SLC22A5: variants seen among roughly 807,000 people sequenced by gnomAD.
SLC22A5 encodes organic cation/carnitine transporter 2.
SLC22A5 carries 44 observed loss-of-function variants against 56.7 expected under a neutral mutation model. That is an observed-to-expected ratio of 0.78 (90% CI 0.61 to 1.00). The LOEUF is 1.00. Among genes scored for constraint, SLC22A5 ranks in the 50% least tolerant of loss-of-function variants. The pLI is 0.00. For missense variants in SLC22A5, 675 were observed against 723.0 expected (o/e 0.93, Z 0.76); for synonymous variants, 278 against 292.1 (o/e 0.95, Z 0.49).
At chr5:132,393,309 A>T (rs1364175471) in intron 8 of SLC22A5, among the ~76,000 whole-genome samples, 1 of 152,190 alleles carries the variant, frequency 6.6e-6, no homozygotes, top group African/African-American at 2.4e-5. Flanking sequence ...GCAGAGGTGG[A>T]AGAGTTATTT....
chr5:132,385,764 T>G (rs1013986091), intron 4 of SLC22A5, among the ~76,000 whole-genome samples: 1 of 152,184 alleles, frequency 6.6e-6, no homozygotes, highest in Admixed American at 6.5e-5. Context: ...GAAGATGGGG[T>G]CCAGCATGCC....
intron 4 of SLC22A5, 22 bp from the exon 5 acceptor site, chr5:132,387,003 A>G: frequency 1.5e-5 from 24 of 1,613,868 alleles, no homozygotes; most frequent in Non-Finnish European, 1.9e-5. Context: ...GGCCTCACTG[A>G]GATTGGACCT....
At chr5:132,375,317 T>C (rs1752100261) in intron 1 of SLC22A5, among the ~76,000 whole-genome samples, 1 of 152,128 alleles carries the variant, frequency 6.6e-6, no homozygotes, top group South Asian at 2.1e-4. Flanking sequence ...GGGGCAAGGA[T>C]TCATCATTGA....
At chr5:132,370,429 C>G in intron 1 of SLC22A5, 64 bp downstream of exon 1, 1 of 1,546,132 alleles carries the variant, frequency 6.5e-7, no homozygotes, top group Non-Finnish European at 8.8e-7. Flanking sequence ...GTCCTTGAAC[C>G]CGAGCTCCTC....
At position 132,392,369 on chromosome 5, in the gene SLC22A5, G is replaced by T; in HGVS notation, c.1268-64G>T. 6.9e-7 allele frequency: 1 copy of T among 1,439,484 alleles called. No homozygotes were observed. Among genetic ancestry groups the T allele is most frequent in the South Asian group, 1.1e-5 (1 of 87,612 alleles). The allele number at this position is 1,439,484 out of a possible 1,614,324, so 89.2% of individuals were successfully genotyped here. Reference sequence around the variant, plus strand: ...TTTGGGAAGAAAGTATGTTTGTTTTGCTCTCAATAGCTGCATGCCATGGGT... The same window carrying T: ...TTTGGGAAGAAAGTATGTTTGTTTTTCTCTCAATAGCTGCATGCCATGGGT... On this transcript the variant is annotated intron_variant, in intron 7 of 9. Coordinates refer to ENST00000245407, the MANE Select transcript of SLC22A5 (RefSeq NM_003060.4).
rs966970380 is a variant in SLC22A5 at position 132,369,846 on chromosome 5, T to C, written c.-127T>C. 4.0e-6 allele frequency: 5 copies of C among 1,260,392 alleles called. No individual in the cohort carries two copies. The highest frequency in any genetic ancestry group is 1.6e-5 in the African/African-American group (1 of 64,434). 78.1% of individuals were successfully genotyped at this position (1,260,392 alleles called of 1,614,324 possible). A position where few individuals can be genotyped will look rare whatever the true frequency, so the allele number is the denominator to read the frequency against. ...GCGGTGTCAGCTCGCGAGCCTACCCTCCGCGGACGGTCTTGGGTCGCCTGC... is the reference window on the plus strand; with the variant it reads ...GCGGTGTCAGCTCGCGAGCCTACCCCCCGCGGACGGTCTTGGGTCGCCTGC... On this transcript the variant is annotated 5_prime_UTR_variant, in exon 1 of 10. Transcript: ENST00000245407.
At chr5:132,374,424 C>A (rs1306499294) in intron 1 of SLC22A5, among the ~76,000 whole-genome samples, 1 of 152,052 alleles carries the variant, frequency 6.6e-6, no homozygotes, top group African/African-American at 2.4e-5. Context: ...ACTGTTATCC[C>A]CAAAGCTGCC....
In SLC22A5 at chr5:132,387,040, C is replaced by T. The variant is rs1282015269; in HGVS notation, c.840C>T (p.Ser280=). 1 of 1,614,138 alleles carries T rather than the reference C, an allele frequency of 6.2e-7. No homozygotes were observed. The highest frequency in any genetic ancestry group is 1.1e-5 in the South Asian group (1 of 91,080). Residue 280 remains serine, a synonymous_variant, in exon 5 of 10, where the codon TCC becomes TCT. Coordinates refer to ENST00000245407, the MANE Select transcript of SLC22A5 (RefSeq NM_003060.4). ...GTACTGCCAGGTTCATCCCTGAGTCCCCCCGATGGCTCATCTCTCAGGGAC... is the reference window on the plus strand; with the variant it reads ...GTACTGCCAGGTTCATCCCTGAGTCTCCCCGATGGCTCATCTCTCAGGGAC... ...CVALWWFIPE[S]PRWLISQGRF...
intron 2 of SLC22A5, chr5:132,378,694 G>A (rs1254330487): frequency 3.4e-6 from 2 of 580,640 alleles, no homozygotes. Context: ...AACCTGAGCT[G>A]TCTAAGCTGA....
Position 132,370,167 on chromosome 5 carries a change from C to T in SLC22A5, c.195C>T (p.His65=), listed in dbSNP as rs1751841574. The T allele has an allele frequency of 4.4e-6, 7 of 1,605,368 alleles. No individual in the cohort carries two copies. Among genetic ancestry groups the T allele is most frequent in the Non-Finnish European group, 6.0e-6 (7 of 1,176,286 alleles). The change falls in exon 1 of 10, where the codon CAC becomes CAT. Residue 65 remains histidine, a synonymous_variant. Coordinates refer to ENST00000245407, the MANE Select transcript of SLC22A5 (RefSeq NM_003060.4). ...AANLSSAWRN[H]TVPLRLRDGR... ...ACCTGAGCAGCGCCTGGCGCAACCA[C>T]ACTGTCCCACTGCGGCTGCGGGACG...
chr5:132,373,526 C>G (rs1302068483), intron 1 of SLC22A5, among the ~76,000 whole-genome samples: 2 of 151,970 alleles, frequency 1.3e-5, no homozygotes. Flanking sequence ...TTCCCAGCTA[C>G]TTGGGAGACT....
intron 5 of SLC22A5, 99 bp downstream of exon 5, chr5:132,387,250 C>T: frequency 6.2e-6 from 9 of 1,452,338 alleles, no homozygotes; most frequent in Non-Finnish European, 7.7e-6. Context: ...AGCAGCCCAG[C>T]CCTCTCTCCG....
chr5:132,392,679 T>C, intron 8 of SLC22A5, 64 bp downstream of exon 8: 1 of 1,422,518 alleles, frequency 7.0e-7, no homozygotes, highest in Non-Finnish European at 9.9e-7. Flanking sequence ...GGCTTGAATG[T>C]GAGCTGGAGG....
Position 132,370,312 on chromosome 5 carries a change from C to G in SLC22A5, c.340C>G (p.Leu114Val). The G allele has an allele frequency of 6.2e-7, 1 of 1,611,574 alleles. No individual in the cohort carries two copies. The highest frequency in any genetic ancestry group is 1.1e-5 in the South Asian group (1 of 90,716). ...DLGQLEQESC[L>V]DGWEFSQDVY... Reference sequence around the variant, plus strand: ...GGGGCAGCTGGAGCAGGAGAGCTGTCTGGATGGCTGGGAGTTCAGTCAGGA... The same window carrying G: ...GGGGCAGCTGGAGCAGGAGAGCTGTGTGGATGGCTGGGAGTTCAGTCAGGA... The change falls in exon 1 of 10, where the codon CTG (leucine) becomes GTG (valine). Residue 114 changes from leucine to valine, a missense_variant. By Grantham distance (32) the Leu-to-Val change is conservative. Coordinates refer to ENST00000245407, the MANE Select transcript of SLC22A5 (RefSeq NM_003060.4).
intron 7 of SLC22A5, among the ~76,000 whole-genome samples, chr5:132,392,136 G>A (rs904906406): frequency 1.3e-5 from 2 of 152,200 alleles, no homozygotes; most frequent in Non-Finnish European, 2.9e-5. Context: ...GTTAATCCCT[G>A]ACAGACATGT....
At chr5:132,390,571 T>G in intron 6 of SLC22A5, 119 bp from the exon 7 acceptor site, 2 of 789,990 alleles carry the variant, frequency 2.5e-6, no homozygotes, top group South Asian at 1.4e-5. Context: ...ACTGCTGCCT[T>G]ACTAGTCTCT....
rs1752496410 is a variant in SLC22A5 at position 132,385,481 on chromosome 5, T to C, written c.806T>C (p.Leu269Pro). The change falls in exon 4 of 10, where the codon CTA becomes CCA. Residue 269 changes from leucine to proline, a missense_variant. Coordinates refer to ENST00000245407, the MANE Select transcript of SLC22A5 (RefSeq NM_003060.4). The part of the protein sequence containing the change: ...LLVALTMPGV[L>P]CVALWWFIPE... ...GTGGCGCTGACGATGCCGGGGGTGCTATGCGTGGCACTCTGGTGGTGAGTG... is the reference window on the plus strand; with the variant it reads ...GTGGCGCTGACGATGCCGGGGGTGCCATGCGTGGCACTCTGGTGGTGAGTG... 1.2e-6 allele frequency: 2 copies of C among 1,614,024 alleles called. No individual in the cohort carries two copies. Among genetic ancestry groups the C allele is most frequent in the African/African-American group, 2.7e-5 (2 of 74,926 alleles).
At chr5:132,392,302 T>C (rs940056259) in intron 7 of SLC22A5, 131 bp from the exon 8 acceptor site, 34 of 813,730 alleles carry the variant, frequency 4.2e-5, no homozygotes, top group Non-Finnish European at 7.0e-5. Flanking sequence ...TATAGCCCCT[T>C]CCCCCACAAT....
chr5:132,383,816 C>T, intron 2 of SLC22A5: 10 of 311,602 alleles, frequency 3.2e-5, no homozygotes, highest in East Asian at 1.5e-4. Flanking sequence ...TGTTATTCTC[C>T]AAATTTGGCA....
Sources: allele counts gnomAD v4.1 joint callset (sites outside exome capture counted in the v4.1 genomes callset), GRCh38; gene constraint gnomAD v4.1.1; transcripts MANE v1.5; gene names NCBI Gene and HGNC (gene_info 2026-07-23, HGNC 2026-07-21).